Variants in CHODL observed in about 807,000 individuals in gnomAD.
CHODL encodes transmembrane protein MT75.
CHODL carries 29 observed loss-of-function variants against 34.5 expected under a neutral mutation model. The ratio of observed to expected loss-of-function variants is 0.84; its 90% CI spans 0.63 to 1.15. The LOEUF is 1.15. CHODL is among the 50% of genes most tolerant of loss of function. The pLI is 0.00. For missense variants in CHODL, 332 were observed against 332.5 expected (o/e 1.00, Z 0.01); for synonymous variants, 125 against 116.1 (o/e 1.08, Z -0.49).
chr21:18,207,245 T>C (rs59693567), intron 2 of CHODL, among the ~76,000 whole-genome samples: 24,584 of 152,064 alleles, frequency 0.16, 2,463 homozygotes, highest in African/African-American at 0.28. Context: ...TAGTATTTCA[T>C]GGTGTATGTG....
At chr21:18,041,595 A>C (rs1056368976) in intron 2 of CHODL, among the ~76,000 whole-genome samples, 2 of 151,962 alleles carry the variant, frequency 1.3e-5, no homozygotes, top group African/African-American at 2.4e-5. Flanking sequence ...GTCTAAGCAC[A>C]ATATATGATT....
intron 1 of CHODL, among the ~76,000 whole-genome samples, chr21:17,928,096 C>T (rs1394570838): frequency 6.6e-6 from 1 of 152,030 alleles, no homozygotes; most frequent in Non-Finnish European, 1.5e-5. Context: ...ATTTAAAGTT[C>T]GAATTTAAGG....
chr21:18,232,947 A>ATATATATATATATATATATATATATG (rs2073995046), intron 2 of CHODL, among the ~76,000 whole-genome samples: 2 of 132,504 alleles, frequency 1.5e-5, no homozygotes, highest in Non-Finnish European at 3.1e-5. Flanking sequence ...GTTATGATAT[A>ATATATATATATATATATATATATATG]TATATATATA....
intron 2 of CHODL, among the ~76,000 whole-genome samples, chr21:18,237,803 A>T (rs749440115): frequency 6.6e-6 from 1 of 152,180 alleles, no homozygotes; most frequent in Non-Finnish European, 1.5e-5. Flanking sequence ...GAATAAACAT[A>T]AAAATTTCCC....
intron 1 of CHODL, among the ~76,000 whole-genome samples, chr21:17,979,924 G>A (rs1008928651): frequency 3.9e-5 from 6 of 152,066 alleles, no homozygotes; most frequent in African/African-American, 9.7e-5. Flanking sequence ...GTGTGTCATC[G>A]TGATGTCAGG....
At chr21:18,050,914 T>C (rs898413763) in intron 2 of CHODL, among the ~76,000 whole-genome samples, 14 of 129,226 alleles carry the variant, frequency 1.1e-4, no homozygotes, top group African/African-American at 4.5e-4. Context: ...ATCTGTGAGC[T>C]TAAGTAACTT....
intron 2 of CHODL, among the ~76,000 whole-genome samples, chr21:18,092,215 C>T (rs1337794198): frequency 6.6e-6 from 1 of 152,162 alleles, no homozygotes; most frequent in Admixed American, 6.5e-5. Flanking sequence ...ATCCCAAAGT[C>T]TCTGCCTGGT....
intron 2 of CHODL, among the ~76,000 whole-genome samples, chr21:18,087,182 G>T (rs1379239430): frequency 6.6e-6 from 1 of 152,206 alleles, no homozygotes; most frequent in African/African-American, 2.4e-5. Context: ...TGTGACCAGA[G>T]AGGGCCCCAC....
intron 1 of CHODL, among the ~76,000 whole-genome samples, chr21:17,954,903 A>G (rs1482197182): frequency 5.6e-5 from 3 of 53,792 alleles, no homozygotes; most frequent in Non-Finnish European, 8.7e-5. Context: ...TATATTTTAT[A>G]TAATATCTAT....
intron 2 of CHODL, among the ~76,000 whole-genome samples, chr21:18,112,415 C>A (rs1356427458): frequency 6.6e-6 from 1 of 151,614 alleles, no homozygotes; most frequent in African/African-American, 2.4e-5. Flanking sequence ...AAAAAAAAAT[C>A]CAAAAATTTA....
chr21:18,117,231 C>T (rs1165045464), intron 2 of CHODL, among the ~76,000 whole-genome samples: 1 of 152,190 alleles, frequency 6.6e-6, no homozygotes, highest in East Asian at 1.9e-4. Flanking sequence ...TTAATCCCCT[C>T]AGCCCTTGGG....
At chr21:18,265,913 A>T (rs772484303) in intron 5 of CHODL, 41 bp from the exon 6 acceptor site, 47 of 1,554,346 alleles carry the variant, frequency 3.0e-5, no homozygotes, top group Admixed American at 1.2e-4. Context: ...TAGTTTAATA[A>T]GAAATTTTAG....
intron 1 of CHODL, among the ~76,000 whole-genome samples, chr21:18,002,495 T>C (rs566818421): frequency 2.0e-5 from 3 of 152,226 alleles, no homozygotes; most frequent in Non-Finnish European, 4.4e-5. Flanking sequence ...CATGCTGGCT[T>C]TGAATGGATT....
At chr21:18,236,083 A>G (rs1031785810) in intron 2 of CHODL, among the ~76,000 whole-genome samples, 1 of 152,102 alleles carries the variant, frequency 6.6e-6, no homozygotes, top group Non-Finnish European at 1.5e-5. Context: ...GTAATTTACA[A>G]GCGAAAGAGG....
chr21:17,991,995 T>G (rs886715862), intron 1 of CHODL, among the ~76,000 whole-genome samples: 1 of 152,174 alleles, frequency 6.6e-6, no homozygotes, highest in Non-Finnish European at 1.5e-5. Flanking sequence ...TCAGTTGATG[T>G]TTGTATATGG....
At chr21:17,934,234 T>TAAA (rs58780393) in intron 1 of CHODL, among the ~76,000 whole-genome samples, 22 of 140,444 alleles carry the variant, frequency 1.6e-4, no homozygotes, top group African/African-American at 5.5e-4. Flanking sequence ...TCTATAAAAA[T>TAAA]AAAAAAAAAA....
intron 2 of CHODL, among the ~76,000 whole-genome samples, chr21:18,129,410 G>A (rs992190327): frequency 6.6e-5 from 10 of 152,100 alleles, no homozygotes; most frequent in South Asian, 2.1e-4. Context: ...CATCTATTCA[G>A]AATGCATTGT....
At chr21:17,964,745 TG>T (rs1449576597) in intron 1 of CHODL, among the ~76,000 whole-genome samples, 4 of 152,238 alleles carry the variant, frequency 2.6e-5, no homozygotes, top group African/African-American at 9.6e-5. Context: ...CAATGTTAAC[TG>T]TCCATCTGGA....
intron 1 of CHODL, among the ~76,000 whole-genome samples, chr21:17,975,885 AC>A (rs1409513845): frequency 6.6e-6 from 1 of 152,142 alleles, no homozygotes; most frequent in Non-Finnish European, 1.5e-5. Flanking sequence ...CCTTATTAGA[AC>A]CCAAAACAAC....
Sources: allele counts gnomAD v4.1 joint callset (sites outside exome capture counted in the v4.1 genomes callset), GRCh38; gene constraint gnomAD v4.1.1; transcripts MANE v1.5; gene names NCBI Gene and HGNC (gene_info 2026-07-23, HGNC 2026-07-21).